SPTLC2: variants seen among roughly 807,000 people sequenced by gnomAD.
SPTLC2 encodes serine palmitoyltransferase long chain base subunit 2.
SPTLC2 carries 21 observed loss-of-function variants against 62.0 expected under a neutral mutation model. The ratio of observed to expected loss-of-function variants is 0.34; its 90% CI spans 0.24 to 0.49. The LOEUF (loss-of-function observed/expected upper bound fraction) is 0.49, where lower values mean the gene tolerates loss of function less well. Ranked by LOEUF, SPTLC2 falls within the 20% of genes least tolerant of loss-of-function variation. The pLI, the probability that SPTLC2 is intolerant of heterozygous loss-of-function variation, is 0.99. For synonymous variants in SPTLC2, 261 were observed against 261.8 expected, an observed-to-expected ratio of 1.00 and a Z score of 0.03; for missense variants, 511 against 713.0, an observed-to-expected ratio of 0.72 and a Z score of 3.23.
At chr14:77,598,391 A>G (rs1164152354) in intron 1 of SPTLC2, among the ~76,000 whole-genome samples, 5 of 152,214 alleles carry the variant, frequency 3.3e-5, no homozygotes, top group African/African-American at 7.2e-5. Flanking sequence ...ACAAAGAGAA[A>G]GCCTGTCCCA....
At chr14:77,553,965 C>T (rs2079569561) in intron 8 of SPTLC2, among the ~76,000 whole-genome samples, 2 of 151,936 alleles carry the variant, frequency 1.3e-5, no homozygotes, top group Admixed American at 1.3e-4. Flanking sequence ...CAGGCATGTG[C>T]CACCACCACA....
intron 3 of SPTLC2, among the ~76,000 whole-genome samples, chr14:77,578,380 AC>A (rs2079728883): frequency 6.6e-6 from 1 of 151,738 alleles, no homozygotes; most frequent in Non-Finnish European, 1.5e-5. Flanking sequence ...AACAGACTAA[AC>A]TTTTGTATAC....
At chr14:77,530,392 G>A (rs185670102) in intron 9 of SPTLC2, among the ~76,000 whole-genome samples, 220 of 152,054 alleles carry the variant, frequency 1.4e-3, no homozygotes, top group African/African-American at 4.9e-3. Context: ...GCAGCGGCAC[G>A]ATCTCAGCTC....
At chr14:77,609,083 G>A (rs571956073) in intron 1 of SPTLC2, among the ~76,000 whole-genome samples, 3 of 152,042 alleles carry the variant, frequency 2.0e-5, no homozygotes, top group African/African-American at 7.2e-5. Context: ...AGTTCATGGT[G>A]GGCCTTGTAA....
At chr14:77,569,437 C>T (rs893290477) in intron 5 of SPTLC2, among the ~76,000 whole-genome samples, 3 of 152,100 alleles carry the variant, frequency 2.0e-5, no homozygotes, top group Non-Finnish European at 4.4e-5. Flanking sequence ...CCATACACTG[C>T]ATAACTAAAA....
At chr14:77,589,265 AACAGGAAGCC>A (rs1162595270) in intron 2 of SPTLC2, among the ~76,000 whole-genome samples, 1 of 151,996 alleles carries the variant, frequency 6.6e-6, no homozygotes, top group Non-Finnish European at 1.5e-5. Context: ...TAATGTTAAA[AACAGGAAGCC>A]ACTTCCTTGC....
chr14:77,589,700 G>A (rs2079804381), intron 2 of SPTLC2, among the ~76,000 whole-genome samples: 1 of 151,880 alleles, frequency 6.6e-6, no homozygotes. Context: ...TGAGGCAGAA[G>A]AATCGCTTAA....
chr14:77,526,231 G>C (rs902346508), intron 9 of SPTLC2, among the ~76,000 whole-genome samples: 17 of 152,270 alleles, frequency 1.1e-4, no homozygotes, highest in African/African-American at 3.9e-4. Flanking sequence ...TATGCAAGAA[G>C]ACCAATTGCT....
intron 2 of SPTLC2, among the ~76,000 whole-genome samples, chr14:77,582,287 C>T (rs1325538015): frequency 2.6e-5 from 4 of 152,086 alleles, no homozygotes; most frequent in Non-Finnish European, 2.9e-5. Flanking sequence ...CTCCTGACCT[C>T]AAAGGATCTG....
At chr14:77,608,937 T>C (rs904856643) in intron 1 of SPTLC2, among the ~76,000 whole-genome samples, 4 of 146,752 alleles carry the variant, frequency 2.7e-5, no homozygotes, top group African/African-American at 7.4e-5. Context: ...ATAATAATAA[T>C]AATAATAATA....
chr14:77,583,140 T>C lies in SPTLC2; in HGVS notation c.328-4031A>G, dbSNP rs2079761463. 1.3e-5 allele frequency among the ~76,000 whole-genome samples: 2 copies of C among 151,446 alleles called. 1 individual carries two copies. The highest frequency in any genetic ancestry group is 4.2e-4 in the South Asian group (2 of 4,812). ...ACTTGAGCTCAGAAGGTTGGGGCTG[T>C]AGTGAGCCAAGATCGGACCACTGCA... On this transcript the variant is annotated intron_variant, in intron 2 of 11. Transcript: ENST00000216484.
intron 3 of SPTLC2, among the ~76,000 whole-genome samples, chr14:77,577,428 G>A (rs965191070): frequency 2.6e-5 from 4 of 152,108 alleles, no homozygotes; most frequent in Non-Finnish European, 5.9e-5. Context: ...ATGAAGTATC[G>A]ATAAGGATAA....
intron 1 of SPTLC2, among the ~76,000 whole-genome samples, chr14:77,597,822 A>G (rs2079856031): frequency 6.6e-6 from 1 of 150,404 alleles, no homozygotes. Context: ...GAAACAAGAA[A>G]AAAAAAAAAA....
At chr14:77,578,233 ACT>A (rs1331917420) in intron 3 of SPTLC2, among the ~76,000 whole-genome samples, 1 of 152,146 alleles carries the variant, frequency 6.6e-6, no homozygotes, top group Non-Finnish European at 1.5e-5. Context: ...AAGTAAAAAC[ACT>A]CTACATATCA....
intron 9 of SPTLC2, among the ~76,000 whole-genome samples, chr14:77,536,367 GTT>G (rs892468208): frequency 6.8e-6 from 1 of 147,736 alleles, no homozygotes; most frequent in Non-Finnish European, 1.5e-5. Flanking sequence ...GTATTTTTTG[GTT>G]TTTTTTTTCT....
At chr14:77,562,533 AG>A in intron 5 of SPTLC2, 44 bp from the exon 6 acceptor site, 1 of 1,527,802 alleles carries the variant, frequency 6.5e-7, no homozygotes, top group Non-Finnish European at 9.1e-7. Flanking sequence ...TGGAGGGGAA[AG>A]GGTTAGTTAC....
chr14:77,539,618 T>C (rs2079489814), intron 9 of SPTLC2, among the ~76,000 whole-genome samples: 1 of 149,840 alleles, frequency 6.7e-6, no homozygotes, highest in Non-Finnish European at 1.5e-5. Context: ...GCCTCTCAAG[T>C]AGCTGGGATT....
At chr14:77,522,163 TTTTC>T (rs1330091382) in intron 9 of SPTLC2, among the ~76,000 whole-genome samples, 5 of 152,114 alleles carry the variant, frequency 3.3e-5, no homozygotes, top group Non-Finnish European at 7.4e-5. Flanking sequence ...CTTTTTTTCT[TTTTC>T]TTTCTTTTTT....
intron 2 of SPTLC2, among the ~76,000 whole-genome samples, chr14:77,590,409 A>G (rs1215006497): frequency 6.6e-6 from 1 of 152,206 alleles, no homozygotes; most frequent in African/African-American, 2.4e-5. Context: ...AGATAAACAT[A>G]TAAAATACAA....
Sources: allele counts gnomAD v4.1 joint callset (sites outside exome capture counted in the v4.1 genomes callset), GRCh38; gene constraint gnomAD v4.1.1; transcripts MANE v1.5; gene names NCBI Gene and HGNC (gene_info 2026-07-23, HGNC 2026-07-21).